COL4A6: variants seen among roughly 807,000 people sequenced by gnomAD.
COL4A6 encodes collagen type IV alpha 6 chain, also known as collagen alpha-6(IV) chain.
A neutral mutation model predicts 126.7 loss-of-function variants in COL4A6; 59 were observed. The observed-to-expected ratio is 0.47, with a 90% CI of 0.38 to 0.58. The LOEUF is 0.58. COL4A6 is among the 20% of genes least tolerant of loss of function. The pLI is 0.00. For synonymous variants in COL4A6, 547 were observed against 496.6 expected, an observed-to-expected ratio of 1.10 and a Z score of -1.35; for missense variants, 1,285 against 1,337.3, an observed-to-expected ratio of 0.96 and a Z score of 0.61.
At chrX:108,207,265 G>A (rs963078507) in intron 8 of COL4A6, among the ~76,000 whole-genome samples, 9 of 106,551 alleles carry the variant, frequency 8.4e-5, no homozygotes, top group Non-Finnish European at 1.4e-4. Context: ...CTTATAAGTG[G>A]GAGCTGAACA....
intron 41 of COL4A6, 64 bp from the exon 42 acceptor site, chrX:108,161,799 G>A (rs1348802173): frequency 2.7e-6 from 2 of 737,972 alleles, no homozygotes; most frequent in Admixed American, 5.1e-5. Context: ...CCTTCCCCAG[G>A]AAAGGGGACT....
intron 2 of COL4A6, among the ~76,000 whole-genome samples, chrX:108,338,428 T>C (rs184322195): frequency 1.7e-4 from 19 of 112,150 alleles, no homozygotes; most frequent in African/African-American, 2.6e-4. Flanking sequence ...AGACTTGTAA[T>C]CTTTGTAAAG....
intron 30 of COL4A6, among the ~76,000 whole-genome samples, 186 bp from the exon 31 acceptor site, chrX:108,174,807 C>T (rs971740306): frequency 9.0e-6 from 1 of 111,370 alleles, no homozygotes; most frequent in Non-Finnish European, 1.9e-5. Flanking sequence ...TTCTGCTATA[C>T]CACTGGGAAA....
intron 2 of COL4A6, among the ~76,000 whole-genome samples, chrX:108,337,395 C>T (rs1368887102): frequency 8.9e-6 from 1 of 112,250 alleles, no homozygotes; most frequent in Non-Finnish European, 1.9e-5. Context: ...GGCCTCAAAA[C>T]TATTGCTGAC....
intron 2 of COL4A6, among the ~76,000 whole-genome samples, chrX:108,355,011 G>C (rs896450717): frequency 1.8e-5 from 2 of 111,624 alleles, no homozygotes; most frequent in Non-Finnish European, 3.8e-5. Context: ...AAAAGAGAAG[G>C]TTCATTCACA....
intron 3 of COL4A6, among the ~76,000 whole-genome samples, chrX:108,294,965 T>C (rs748642033): frequency 2.7e-5 from 3 of 112,233 alleles, no homozygotes; most frequent in African/African-American, 9.7e-5. Context: ...CCTAGCACAA[T>C]GCCTGACATA....
rs756910677 is a variant in COL4A6, at chrX:108,165,035, C to T, written c.3812G>A (p.Arg1271His). The T allele has an allele frequency of 1.7e-5, 21 of 1,201,596 alleles. No homozygotes were observed. The East Asian group carries it at 3.0e-4, about 17-fold the overall frequency. The change falls in exon 39 of 45, where the codon CGC becomes CAC. Residue 1271 changes from arginine (R) to histidine (H), a missense_variant. Physicochemically the swap from Arg to His is conservative, Grantham distance 29 (BLOSUM62 0). Coordinates refer to ENST00000334504, the MANE Select transcript of COL4A6 (RefSeq NM_033641.4). ...ACCTGGGGGTCCAGCGGGGCCTGGG[C>T]GGCCTAGGGATAAGATCGGAAGAGG... ...GRPGLDGERG[R>H]PGPAGPPGPP... is the part of the protein sequence containing the mutation.
chrX:108,157,040 G>A lies in COL4A6; in HGVS notation c.5033C>T (p.Thr1678Ile), dbSNP rs760675474. The change falls in exon 45 of 45, where the codon ACT becomes ATT. Residue 1678 changes from threonine to isoleucine, a missense_variant. Physicochemically the swap from Thr to Ile is moderately conservative, Grantham distance 89. Transcript: ENST00000334504. ...SETLKAGQLH[T>I]RVSRCQVCMK... is the part of the protein sequence containing the mutation. ...ACACACCTGGCAGCGACTGACTCGAGTGTGGAGCTGCCCAGCTTTCAGCGT... is the reference window on the plus strand; with the variant it reads ...ACACACCTGGCAGCGACTGACTCGAATGTGGAGCTGCCCAGCTTTCAGCGT... 2 of 1,211,937 alleles carry A rather than the reference G, an allele frequency of 1.7e-6. No homozygotes were observed. The highest frequency in any genetic ancestry group is 4.6e-4 in the Middle Eastern group (2 of 4,345).
At chrX:108,390,740 C>T (rs934710284) in intron 2 of COL4A6, among the ~76,000 whole-genome samples, 1 of 110,535 alleles carries the variant, frequency 9.0e-6, no homozygotes, top group African/African-American at 3.3e-5. Flanking sequence ...GTCAGTTCAT[C>T]AAACTCATTC....
At chrX:108,201,079 A>AT (rs2035377490) in intron 13 of COL4A6, among the ~76,000 whole-genome samples, 1 of 111,437 alleles carries the variant, frequency 9.0e-6, no homozygotes, top group African/African-American at 3.3e-5. Context: ...TGAACAGATG[A>AT]TTTTCCATGC....
intron 2 of COL4A6, among the ~76,000 whole-genome samples, chrX:108,367,707 T>C (rs770285598): frequency 6.2e-5 from 7 of 112,259 alleles, no homozygotes; most frequent in Middle Eastern, 4.6e-3. Flanking sequence ...TAATTGATTT[T>C]TTCAAAATGG....
chrX:108,178,139 C>T (rs964128573), intron 27 of COL4A6, among the ~76,000 whole-genome samples: 9 of 112,331 alleles, frequency 8.0e-5, no homozygotes, highest in East Asian at 5.6e-4. Flanking sequence ...GTGCAGTCAC[C>T]GAAGCAGGTT....
chrX:108,219,126 C>T (rs1484023650), intron 5 of COL4A6, among the ~76,000 whole-genome samples: 3 of 112,158 alleles, frequency 2.7e-5, no homozygotes, highest in Admixed American at 9.4e-5. Flanking sequence ...CTGCAAGTTC[C>T]AAACCTTCCA....
rs2064182818 is a variant in COL4A6 at position 108,432,080 on chromosome X, TA to T, written c.63+5861del. Among the ~76,000 whole-genome samples, 2 of 112,649 alleles carry T rather than the reference TA, an allele frequency of 1.8e-5. 1 individual carries two copies. Among genetic ancestry groups the T allele is most frequent in the South Asian group, 7.4e-4 (2 of 2,702 alleles). On this transcript the variant is annotated intron_variant, in intron 2 of 44. Transcript: ENST00000334504. ...ACGGTGGTCACCTATGGTGGTTTTT[TA>T]TCTATCTTGTCAAAAGACTTTTGTT...
chrX:108,286,751 T>C (rs2038015281), intron 3 of COL4A6, among the ~76,000 whole-genome samples: 1 of 110,957 alleles, frequency 9.0e-6, no homozygotes, highest in South Asian at 3.9e-4. Flanking sequence ...TTTAAAATTT[T>C]TGTAGAGACA....
chrX:108,280,905 C>T (rs1360548215), intron 3 of COL4A6, among the ~76,000 whole-genome samples: 1 of 111,898 alleles, frequency 8.9e-6, no homozygotes, highest in Non-Finnish European at 1.9e-5. Context: ...ACATGATTAC[C>T]TCAACAGATG....
chrX:108,158,294 C>T (rs934140956), intron 44 of COL4A6, among the ~76,000 whole-genome samples: 3 of 112,827 alleles, frequency 2.7e-5, no homozygotes, highest in Non-Finnish European at 5.6e-5. Context: ...CCTTGGGCCT[C>T]CTTTGAATTA....
At chrX:108,197,757 C>CT (rs1355787514) in intron 13 of COL4A6, among the ~76,000 whole-genome samples, 5 of 86,127 alleles carry the variant, frequency 5.8e-5, no homozygotes, top group African/African-American at 8.5e-5. Flanking sequence ...TTTTCATTGT[C>CT]TTTTTATTGG....
chrX:108,161,585 G>GCCC, intron 42 of COL4A6, 34 bp downstream of exon 42: 7 of 241,526 alleles, frequency 2.9e-5, no homozygotes, highest in Admixed American at 1.2e-4. Context: ...CACCATCCCC[G>GCCC]CCCCGCCCGC....
Sources: allele counts gnomAD v4.1 joint callset (sites outside exome capture counted in the v4.1 genomes callset), GRCh38; gene constraint gnomAD v4.1.1; transcripts MANE v1.5; gene names NCBI Gene and HGNC (gene_info 2026-07-23, HGNC 2026-07-21).